The following PLS1 variants were observed in gnomAD, a reference collection of about 807,000 sequenced individuals.
PLS1 encodes plastin 1, also known as plastin-1.
PLS1 carries 32 observed loss-of-function variants against 73.7 expected under a neutral mutation model. The ratio of observed to expected loss-of-function variants is 0.43; its 90% CI spans 0.33 to 0.58. The LOEUF is 0.58. Among genes scored for constraint, PLS1 ranks in the 20% least tolerant of loss-of-function variants. The probability of loss-of-function intolerance (pLI) is 0.04; values close to 1 mark genes in which losing one functional copy is unlikely to be tolerated. For synonymous variants in PLS1, 217 were observed against 261.3 expected, an observed-to-expected ratio of 0.83 and a Z score of 1.63; for missense variants, 633 against 740.5, an observed-to-expected ratio of 0.85 and a Z score of 1.68.
intron 1 of PLS1, among the ~76,000 whole-genome samples, chr3:142,648,597 T>C (rs1183366964): frequency 6.6e-6 from 1 of 152,128 alleles, no homozygotes; most frequent in African/African-American, 2.4e-5. Flanking sequence ...AAAACAATAA[T>C]AAAAGCAACA....
intron 9 of PLS1, among the ~76,000 whole-genome samples, chr3:142,686,772 T>C (rs2037978204): frequency 6.6e-6 from 1 of 152,214 alleles, no homozygotes; most frequent in Non-Finnish European, 1.5e-5. Flanking sequence ...CAAGCCTCCA[T>C]GTCAAGCCAA....
chr3:142,697,797 A>G (rs556917635), intron 11 of PLS1, among the ~76,000 whole-genome samples, 156 bp from the exon 12 acceptor site: 2 of 152,192 alleles, frequency 1.3e-5, no homozygotes, highest in Non-Finnish European at 2.9e-5. Context: ...AGATTCTTAG[A>G]CTGGAAGTTC....
At chr3:142,626,975 C>T (rs6800573) in intron 1 of PLS1, among the ~76,000 whole-genome samples, 37,517 of 152,128 alleles carry the variant, frequency 0.25, 6,500 homozygotes, top group African/African-American at 0.5. Flanking sequence ...TTGTGATATC[C>T]CTTGAACTGT....
chr3:142,686,210 G>T, intron 8 of PLS1, 74 bp from the exon 9 acceptor site: 2 of 859,796 alleles, frequency 2.3e-6, no homozygotes, highest in South Asian at 1.4e-5. Context: ...TCTTCAGTTT[G>T]AGCACTTGTT....
chr3:142,615,190 T>C (rs2108552759), intron 1 of PLS1, among the ~76,000 whole-genome samples: 1 of 152,326 alleles, frequency 6.6e-6, no homozygotes, highest in South Asian at 2.1e-4. Context: ...CAACATGGTC[T>C]GGACAATTGT....
intron 6 of PLS1, among the ~76,000 whole-genome samples, chr3:142,678,532 T>C (rs1168746092): frequency 1.3e-5 from 2 of 151,440 alleles, no homozygotes; most frequent in Non-Finnish European, 2.9e-5. Flanking sequence ...GTTTGGTTTT[T>C]TGTTCTTGTA....
At chr3:142,605,970 G>A (rs1383612332) in intron 1 of PLS1, among the ~76,000 whole-genome samples, 1 of 152,176 alleles carries the variant, frequency 6.6e-6, no homozygotes, top group Non-Finnish European at 1.5e-5. Context: ...GGGAGACTAA[G>A]CCTTAATTGA....
chr3:142,682,084 G>T (rs1032538954), intron 6 of PLS1, among the ~76,000 whole-genome samples: 3 of 152,074 alleles, frequency 2.0e-5, no homozygotes, highest in African/African-American at 7.2e-5. Flanking sequence ...GGAAAGTGAG[G>T]GCAGCATCTG....
chr3:142,648,383 C>T (rs12695768), intron 1 of PLS1, among the ~76,000 whole-genome samples: 94,398 of 151,868 alleles, frequency 0.62, 29,771 homozygotes, highest in African/African-American at 0.66. Context: ...AAAGGTTTAA[C>T]TAAAATTGTT....
chr3:142,701,015 TATAAGTCCA>T, intron 12 of PLS1, among the ~76,000 whole-genome samples: 2 of 152,358 alleles, frequency 1.3e-5, no homozygotes, highest in East Asian at 3.9e-4. Context: ...CATGTGGAAC[TATAAGTCCA>T]ATTAAACCTC....
intron 12 of PLS1, among the ~76,000 whole-genome samples, chr3:142,703,466 T>C (rs1288680761): frequency 6.6e-6 from 1 of 152,036 alleles, no homozygotes; most frequent in African/African-American, 2.4e-5. Flanking sequence ...TGGCTAACTT[T>C]TGTATTTTTA....
chr3:142,686,147 A>G (rs1277475383), intron 8 of PLS1, 137 bp from the exon 9 acceptor site: 13 of 617,324 alleles, frequency 2.1e-5, no homozygotes, highest in African/African-American at 2.0e-4. Context: ...TCAGGAACCT[A>G]CAAGTAATTC....
At position 142,666,064 on chromosome 3, in the gene PLS1, T is replaced by C. The variant is rs189153450; in HGVS notation, c.70+1757T>C. On this transcript the variant is annotated intron_variant, in intron 2 of 15. Coordinates refer to ENST00000457734, the MANE Select transcript of PLS1 (RefSeq NM_001145319.2). ...ATTTGTAGCACACTTTTCTCAAGGA[T>C]AGAGGAACACGGCCATCCAATGTTA... is the stretch of plus-strand genomic sequence containing the variant. 7.2e-3 allele frequency among the ~76,000 whole-genome samples: 1,100 copies of C among 152,290 alleles called. 19 individuals carry two copies. The highest frequency in any genetic ancestry group is 5.6e-3 in the Non-Finnish European group (379 of 68,030).
At chr3:142,634,464 T>C in intron 1 of PLS1, among the ~76,000 whole-genome samples, 1 of 152,182 alleles carries the variant, frequency 6.6e-6, no homozygotes, top group Non-Finnish European at 1.5e-5. Flanking sequence ...AAAAATGATG[T>C]AGATGTCTTT....
At chr3:142,694,691 A>G (rs1419895669) in intron 11 of PLS1, 144 bp downstream of exon 11, 4 of 540,462 alleles carry the variant, frequency 7.4e-6, no homozygotes, top group Non-Finnish European at 1.3e-5. Flanking sequence ...GGAATTGGCA[A>G]TACAATGGAT....
chr3:142,676,054 G>A (rs1038782977), intron 4 of PLS1, 103 bp from the exon 5 acceptor site: 4 of 869,350 alleles, frequency 4.6e-6, no homozygotes, highest in Non-Finnish European at 7.1e-6. Flanking sequence ...TCTTTGAGCA[G>A]AAATTAACAA....
intron 1 of PLS1, among the ~76,000 whole-genome samples, chr3:142,601,108 G>T (rs1325665115): frequency 2.7e-5 from 4 of 147,638 alleles, no homozygotes; most frequent in African/African-American, 1.0e-4. Flanking sequence ...TTTATTTTTA[G>T]TAGAGACGGG....
intron 1 of PLS1, among the ~76,000 whole-genome samples, chr3:142,612,828 G>A (rs2036147926): frequency 6.6e-6 from 1 of 152,036 alleles, no homozygotes; most frequent in Admixed American, 6.6e-5. Flanking sequence ...CCGGAGTGTG[G>A]TGGCACAATC....
At chr3:142,705,266 G>C (rs1277247089) in intron 14 of PLS1, among the ~76,000 whole-genome samples, 1 of 152,072 alleles carries the variant, frequency 6.6e-6, no homozygotes, top group African/African-American at 2.4e-5. Flanking sequence ...GTGCTCCCTA[G>C]CAGCAGTCTC....
Sources: allele counts gnomAD v4.1 joint callset (sites outside exome capture counted in the v4.1 genomes callset), GRCh38; gene constraint gnomAD v4.1.1; transcripts MANE v1.5; gene names NCBI Gene and HGNC (gene_info 2026-07-23, HGNC 2026-07-21).